Variants in TTC28 observed in about 807,000 individuals in gnomAD.
The protein encoded by TTC28 is tetratricopeptide repeat domain 28.
TTC28 carries 61 observed loss-of-function variants against 198.0 expected under a neutral mutation model. The observed-to-expected ratio is 0.31, with a 90% CI of 0.25 to 0.38. The LOEUF is 0.38. Among genes scored for constraint, TTC28 ranks in the 10% least tolerant of loss-of-function variants. The pLI is 1.00. For synonymous variants in TTC28, 1,171 were observed against 1,297.8 expected, an observed-to-expected ratio of 0.90 and a Z score of 2.10; for missense variants, 2,678 against 3,164.0, an observed-to-expected ratio of 0.85 and a Z score of 3.69.
chr22:28,401,607 T>A (rs568443223), intron 2 of TTC28, among the ~76,000 whole-genome samples: 42 of 152,108 alleles, frequency 2.8e-4, no homozygotes, highest in African/African-American at 9.2e-4. Context: ...AGAGCAAGAC[T>A]GTCTCAAAAA....
At chr22:28,584,967 A>G (rs544615515) in intron 2 of TTC28, among the ~76,000 whole-genome samples, 5 of 137,202 alleles carry the variant, frequency 3.6e-5, no homozygotes, top group Admixed American at 7.0e-5. Flanking sequence ...AGTAGTGACT[A>G]CAAATATAGA....
chr22:28,322,292 T>A (rs2045459475), intron 2 of TTC28, among the ~76,000 whole-genome samples: 1 of 152,100 alleles, frequency 6.6e-6, no homozygotes, highest in African/African-American at 2.4e-5. Flanking sequence ...CTTTTCCAAA[T>A]AATGAACTTA....
intron 1 of TTC28, among the ~76,000 whole-genome samples, chr22:28,647,603 GCC>G (rs972682861): frequency 5.3e-5 from 8 of 152,140 alleles, no homozygotes; most frequent in South Asian, 2.1e-4. Context: ...ACTTTGGGAG[GCC>G]AAGGTGGGCA....
chr22:27,982,398 T>C lies in TTC28; in HGVS notation c.7269A>G (p.Gly2423=), dbSNP rs1198764216. 2 of 1,550,770 alleles carry C rather than the reference T, an allele frequency of 1.3e-6. No individual in the cohort carries two copies. Among genetic ancestry groups the C allele is most frequent in the Admixed American group, 2.0e-5 (1 of 50,924 alleles). ...LKELSLQQHD[G]APPKAPPNGH... ...CGTTGGGAGGGGCTTTCGGTGGAGCTCCGTCATGCTGCTGCAGGGACAGCT... is the reference window on the plus strand; with the variant it reads ...CGTTGGGAGGGGCTTTCGGTGGAGCCCCGTCATGCTGCTGCAGGGACAGCT... Residue 2423 remains glycine (G), a synonymous_variant, in exon 23 of 23, where the codon GGA becomes GGG. Transcript: ENST00000397906. The surrounding 1 kb of genome is among the most constrained non-coding windows in gnomAD (Gnocchi z 5.2).
intron 5 of TTC28, among the ~76,000 whole-genome samples, chr22:28,182,023 T>C (rs1341174877): frequency 6.6e-6 from 1 of 152,216 alleles, no homozygotes; most frequent in Non-Finnish European, 1.5e-5. Context: ...CTGGCTTCCA[T>C]CCATGAAATA....
At chr22:28,092,314 G>A (rs1464825427) in intron 12 of TTC28, among the ~76,000 whole-genome samples, 2 of 152,078 alleles carry the variant, frequency 1.3e-5, no homozygotes, top group Non-Finnish European at 2.9e-5. Flanking sequence ...GGACAGTAGG[G>A]GCTATGTCTC....
intron 2 of TTC28, among the ~76,000 whole-genome samples, chr22:28,336,700 T>C (rs1323002528): frequency 2.0e-5 from 3 of 152,226 alleles, no homozygotes; most frequent in Non-Finnish European, 2.9e-5. Context: ...CTTTATCATT[T>C]TTTATTGCAT....
intron 5 of TTC28, among the ~76,000 whole-genome samples, chr22:28,272,394 T>A (rs1932147346): frequency 6.6e-6 from 1 of 152,176 alleles, no homozygotes. Flanking sequence ...GACTACAAAT[T>A]GGAAGCCCTG....
At chr22:28,344,242 A>G (rs542206610) in intron 2 of TTC28, among the ~76,000 whole-genome samples, 1 of 151,892 alleles carries the variant, frequency 6.6e-6, no homozygotes, top group Non-Finnish European at 1.5e-5. Context: ...GAAGAATGAA[A>G]CATATATTCT....
intron 12 of TTC28, among the ~76,000 whole-genome samples, chr22:28,087,601 C>T (rs1186097600): frequency 6.6e-6 from 1 of 152,140 alleles, no homozygotes; most frequent in Non-Finnish European, 1.5e-5. Flanking sequence ...AAAACTGGCA[C>T]AAGACAGGGA....
chr22:28,179,453 C>T (rs1300970387), intron 5 of TTC28, among the ~76,000 whole-genome samples: 1 of 152,184 alleles, frequency 6.6e-6, no homozygotes, highest in Non-Finnish European at 1.5e-5. Context: ...AGGCACCGCG[C>T]CTGGCCTAGG....
intron 3 of TTC28, among the ~76,000 whole-genome samples, chr22:28,302,688 T>A (rs1263225619): frequency 6.6e-6 from 1 of 152,134 alleles, no homozygotes; most frequent in African/African-American, 2.4e-5. Flanking sequence ...TTTGTTTTTT[T>A]AAGACGGAGT....
chr22:28,232,652 C>T (rs1928900700), intron 5 of TTC28: 1 of 152,168 alleles, frequency 6.6e-6, no homozygotes. Context: ...TTGAGTGGTA[C>T]ACCAGCTAGA....
chr22:28,156,710 C>A lies in TTC28; in HGVS notation c.1441+6382G>T, dbSNP rs62237573. Among the ~76,000 whole-genome samples the A allele has an allele frequency of 7.2e-5, 11 of 152,062 alleles. No individual in the cohort carries two copies. In the East Asian group the frequency reaches 1.3e-3, roughly 19 times the overall value. On this transcript the variant is annotated intron_variant, in intron 6 of 22. Coordinates refer to ENST00000397906, the MANE Select transcript of TTC28 (RefSeq NM_001145418.2). ...TGGAAATGTGAAAGTGATGCTCAGG[C>A]AGGAAAGAAGTCAGAGCTGGTGAAT...
At chr22:28,474,299 C>T (rs755517783) in intron 2 of TTC28, among the ~76,000 whole-genome samples, 1 of 152,114 alleles carries the variant, frequency 6.6e-6, no homozygotes, top group African/African-American at 2.4e-5. Flanking sequence ...AGCTGAGAAG[C>T]AAACCAATGT....
At chr22:28,154,558 G>A (rs1014557123) in intron 6 of TTC28, among the ~76,000 whole-genome samples, 4 of 151,800 alleles carry the variant, frequency 2.6e-5, no homozygotes, top group African/African-American at 4.8e-5. Flanking sequence ...GGGTTTCACC[G>A]TGTTAGCCAG....
intron 2 of TTC28, among the ~76,000 whole-genome samples, chr22:28,573,772 C>T (rs1466849363): frequency 1.3e-5 from 2 of 152,024 alleles, no homozygotes; most frequent in African/African-American, 4.8e-5. Context: ...ACCTGTCGTG[C>T]TATCAAATAC....
chr22:28,497,510 G>C (rs1159100076), intron 2 of TTC28, among the ~76,000 whole-genome samples: 7 of 152,002 alleles, frequency 4.6e-5, no homozygotes, highest in Non-Finnish European at 1.0e-4. Flanking sequence ...GGATACCCAG[G>C]ATCCTCCCCA....
chr22:28,391,024 T>C (rs1224632045), intron 2 of TTC28, among the ~76,000 whole-genome samples: 1 of 152,192 alleles, frequency 6.6e-6, no homozygotes, highest in Non-Finnish European at 1.5e-5. Context: ...GGAGCTCTTT[T>C]AGGGCAGGCC....
Sources: gnomAD v4.1 joint callset for allele counts (sites outside exome capture counted in the v4.1 genomes callset) on GRCh38, gnomAD v4.1.1 for gene constraint, Gnocchi (gnomAD v3.1) non-coding constraint, MANE v1.5 for transcripts, NCBI Gene and HGNC (gene_info 2026-07-23, HGNC 2026-07-21) for gene names.